The following CTNNA2 variants were observed in gnomAD, a reference collection of about 807,000 sequenced individuals.
CTNNA2 encodes catenin alpha 2, also known as catenin alpha-2.
In CTNNA2, 42 loss-of-function variants were observed where a neutral mutation model predicts 101.0. The observed-to-expected ratio is 0.42, with a 90% CI of 0.32 to 0.54. The LOEUF is 0.54. CTNNA2 is among the 20% of genes least tolerant of loss of function. CTNNA2 has a pLI of 0.14. For missense variants in CTNNA2, 871 were observed against 1,223.1 expected, an observed-to-expected ratio of 0.71 and a Z score of 4.29; for synonymous variants, 450 against 456.4, an observed-to-expected ratio of 0.99 and a Z score of 0.18.
intron 2 of CTNNA2, among the ~76,000 whole-genome samples, chr2:79,202,693 A>G (rs1674052581): frequency 6.6e-6 from 1 of 152,032 alleles, no homozygotes; most frequent in African/African-American, 2.4e-5. Flanking sequence ...CAATGTTTCC[A>G]TACATTTTGG....
chr2:79,998,348 T>C (rs1331309906), intron 7 of CTNNA2, among the ~76,000 whole-genome samples: 2 of 152,248 alleles, frequency 1.3e-5, no homozygotes, highest in African/African-American at 4.8e-5. Flanking sequence ...TGGTTCATAA[T>C]CAGATAATTC....
chr2:79,883,517 A>T (rs1683604794), intron 6 of CTNNA2, among the ~76,000 whole-genome samples: 1 of 152,212 alleles, frequency 6.6e-6, no homozygotes, highest in Non-Finnish European at 1.5e-5. Context: ...CTCTGTTTAG[A>T]TGTGGCAGCT....
chr2:80,555,431 G>T (rs1172273688), intron 11 of CTNNA2, among the ~76,000 whole-genome samples: 1 of 152,282 alleles, frequency 6.6e-6, no homozygotes, highest in East Asian at 1.9e-4. Context: ...AATTTCTTGG[G>T]CTCTACCCCA....
At chr2:79,651,921 T>G (rs1322771651) in intron 2 of CTNNA2, among the ~76,000 whole-genome samples, 1 of 152,196 alleles carries the variant, frequency 6.6e-6, no homozygotes. Flanking sequence ...GGCCCTCATT[T>G]ACGGTAATGG....
At chr2:80,538,600 C>T (rs912606231) in intron 9 of CTNNA2, among the ~76,000 whole-genome samples, 1 of 152,088 alleles carries the variant, frequency 6.6e-6, no homozygotes, top group Non-Finnish European at 1.5e-5. Flanking sequence ...GTTTTGGTAC[C>T]AGCACCATGC....
At chr2:79,706,053 G>A (rs1047285024) in intron 2 of CTNNA2, among the ~76,000 whole-genome samples, 4 of 152,018 alleles carry the variant, frequency 2.6e-5, no homozygotes, top group African/African-American at 9.7e-5. Context: ...GAAGGCCTTC[G>A]TGTGGTCTTA....
chr2:80,094,087 A>G (rs1279159071), intron 7 of CTNNA2, among the ~76,000 whole-genome samples: 3 of 152,162 alleles, frequency 2.0e-5, no homozygotes, highest in East Asian at 1.9e-4. Flanking sequence ...GCCCATGCCT[A>G]TGTTCTGAAT....
intron 7 of CTNNA2, among the ~76,000 whole-genome samples, chr2:80,198,399 C>A (rs1014982129): frequency 6.6e-6 from 1 of 152,146 alleles, no homozygotes; most frequent in Non-Finnish European, 1.5e-5. Flanking sequence ...AAATTAGTAT[C>A]AATGCAGTTA....
intron 3 of CTNNA2, among the ~76,000 whole-genome samples, chr2:79,805,892 T>C (rs1676536065): frequency 6.6e-6 from 1 of 151,668 alleles, no homozygotes; most frequent in Non-Finnish European, 1.5e-5. Flanking sequence ...GAGCCGAGAT[T>C]GCACCACTGC....
At chr2:80,539,356 T>C (rs1573189931) in intron 9 of CTNNA2, among the ~76,000 whole-genome samples, 1 of 147,338 alleles carries the variant, frequency 6.8e-6, no homozygotes, top group East Asian at 2.0e-4. Flanking sequence ...CTAGTTCTGC[T>C]AATGATATTG....
intron 7 of CTNNA2, among the ~76,000 whole-genome samples, chr2:80,336,500 T>C (rs190396311): frequency 6.6e-6 from 1 of 152,362 alleles, no homozygotes; most frequent in Non-Finnish European, 1.5e-5. Flanking sequence ...CAGACATTAC[T>C]ACACTTCACC....
chr2:79,304,105 T>C (rs1676176473), intron 2 of CTNNA2, among the ~76,000 whole-genome samples: 1 of 152,094 alleles, frequency 6.6e-6, no homozygotes. Flanking sequence ...CTAGCTGTCC[T>C]TTACGGATGT....
intron 7 of CTNNA2, among the ~76,000 whole-genome samples, chr2:80,044,502 C>T (rs1028186175): frequency 6.6e-6 from 1 of 152,036 alleles, no homozygotes; most frequent in African/African-American, 2.4e-5. Context: ...TGTTAAAAAC[C>T]TCTATATTGT....
intron 2 of CTNNA2, among the ~76,000 whole-genome samples, chr2:79,663,676 T>C (rs1573609092): frequency 6.6e-6 from 1 of 152,204 alleles, no homozygotes; most frequent in East Asian, 1.9e-4. Flanking sequence ...ACCTTTTATA[T>C]GTTCTCTGTG....
chr2:80,443,697 A>G (rs1336131515), intron 9 of CTNNA2, among the ~76,000 whole-genome samples: 2 of 152,218 alleles, frequency 1.3e-5, no homozygotes, highest in African/African-American at 2.4e-5. Flanking sequence ...AATTTTTCTC[A>G]TCTGTATAAA....
intron 18 of CTNNA2, among the ~76,000 whole-genome samples, chr2:80,632,491 G>C (rs761144744): frequency 2.0e-5 from 3 of 152,022 alleles, no homozygotes; most frequent in Non-Finnish European, 4.4e-5. Flanking sequence ...AAATTTGAGG[G>C]CCCCAAGCAT....
intron 3 of CTNNA2, among the ~76,000 whole-genome samples, chr2:79,324,657 C>T (rs550267667): frequency 8.0e-5 from 12 of 149,448 alleles, no homozygotes; most frequent in African/African-American, 2.9e-4. Context: ...CTTTTCTATG[C>T]CCCCAGGAAC....
chr2:79,236,804 T>A (rs1044319236), intron 2 of CTNNA2, among the ~76,000 whole-genome samples: 3 of 152,234 alleles, frequency 2.0e-5, no homozygotes, highest in Non-Finnish European at 4.4e-5. Flanking sequence ...GTTCAGGTTT[T>A]CTTATGAGAT....
chr2:80,357,024 C>T (rs1308007876), intron 7 of CTNNA2, among the ~76,000 whole-genome samples: 1 of 152,176 alleles, frequency 6.6e-6, no homozygotes, highest in Non-Finnish European at 1.5e-5. Context: ...TAACTTCAGG[C>T]AGGCTAACCA....
Sources: allele counts gnomAD v4.1 joint callset (sites outside exome capture counted in the v4.1 genomes callset), GRCh38; gene constraint gnomAD v4.1.1; transcripts MANE v1.5; gene names NCBI Gene and HGNC (gene_info 2026-07-23, HGNC 2026-07-21).